ASPH: variants seen among roughly 807,000 people sequenced by gnomAD.
ASPH encodes the protein aspartate beta-hydroxylase, also known as aspartyl/asparaginyl beta-hydroxylase.
ASPH carries 100 observed loss-of-function variants against 118.4 expected under a neutral mutation model. That is an observed-to-expected ratio of 0.84 (90% CI 0.72 to 1.00). The LOEUF is 1.00. ASPH is among the 50% of genes least tolerant of loss of function. ASPH has a pLI of 0.00. For synonymous variants in ASPH, 315 were observed against 325.6 expected (o/e 0.97, Z 0.35); for missense variants, 920 against 919.5 (o/e 1.00, Z -0.01).
At chr8:61,505,154 G>C (rs541233936) in intron 24 of ASPH, among the ~76,000 whole-genome samples, 2 of 151,982 alleles carry the variant, frequency 1.3e-5, no homozygotes, top group East Asian at 3.9e-4. Context: ...TTCATCAGGG[G>C]TTCCCGCTTT....
intron 3 of ASPH, chr8:61,675,515 T>C: frequency 1.0e-6 from 1 of 981,810 alleles, no homozygotes; most frequent in Non-Finnish European, 1.2e-6. Context: ...AACACAGAAT[T>C]TTACATAGAA....
chr8:61,675,871 C>T (rs1563531460), intron 3 of ASPH: 3 of 1,374,170 alleles, frequency 2.2e-6, no homozygotes, highest in East Asian at 5.2e-5. Flanking sequence ...TGAGGAGTAC[C>T]ATTTTCTTCA....
rs924036154 is a variant in ASPH, at chr8:61,675,234, G to A, written c.322+5734C>T. The A allele has an allele frequency of 3.7e-6, 3 of 800,900 alleles. No individual in the cohort carries two copies. In the African/African-American group the frequency reaches 5.6e-5, roughly 15 times the overall value. 49.6% of individuals were successfully genotyped at this position (800,900 alleles called of 1,614,324 possible). A position where few individuals can be genotyped will look rare whatever the true frequency, so the allele number is the denominator to read the frequency against. On this transcript the variant is annotated intron_variant, in intron 3 of 24. Transcript: ENST00000379454. Reference sequence around the variant, plus strand: ...ATCAATATCCAATTAATAAGTTAATGAAGGAAAAAATGGAAAAAGACTTAT... The same window carrying A: ...ATCAATATCCAATTAATAAGTTAATAAAGGAAAAAATGGAAAAAGACTTAT...
intron 18 of ASPH, among the ~76,000 whole-genome samples, chr8:61,556,435 T>C (rs1355170442): frequency 6.6e-6 from 1 of 152,238 alleles, no homozygotes; most frequent in Non-Finnish European, 1.5e-5. Context: ...TCACTTCATA[T>C]ACAAGCTTTA....
chr8:61,540,403 C>T (rs1476032032), intron 21 of ASPH, among the ~76,000 whole-genome samples: 1 of 152,162 alleles, frequency 6.6e-6, no homozygotes, highest in Non-Finnish European at 1.5e-5. Flanking sequence ...TAACACCTCA[C>T]CTGCCCCAGC....
At chr8:61,578,727 A>T in intron 15 of ASPH, 1 of 1,607,534 alleles carries the variant, frequency 6.2e-7, no homozygotes. Context: ...CAACATGCAG[A>T]GGCTGGTGGA....
At chr8:61,555,521 T>C (rs1389103938) in intron 19 of ASPH, among the ~76,000 whole-genome samples, 1 of 152,126 alleles carries the variant, frequency 6.6e-6, no homozygotes, top group Non-Finnish European at 1.5e-5. Context: ...CTCGAACTCC[T>C]GACCTCAGGT....
intron 14 of ASPH, among the ~76,000 whole-genome samples, chr8:61,586,676 G>C (rs1839558362): frequency 6.6e-6 from 1 of 152,144 alleles, no homozygotes; most frequent in Non-Finnish European, 1.5e-5. Flanking sequence ...AAAAGGGTTA[G>C]TTACCTTGAC....
chr8:61,568,338 A>G (rs1178685846), intron 16 of ASPH, among the ~76,000 whole-genome samples: 1 of 152,154 alleles, frequency 6.6e-6, no homozygotes, highest in Non-Finnish European at 1.5e-5. Flanking sequence ...TGAAGGTCAG[A>G]GCCAACAGAT....
intron 1 of ASPH, among the ~76,000 whole-genome samples, chr8:61,700,059 GAC>G (rs1281943941): frequency 7.9e-5 from 12 of 152,222 alleles, no homozygotes; most frequent in African/African-American, 2.9e-4. Flanking sequence ...AGGGCTGACT[GAC>G]ACACAATGGG....
At chr8:61,548,905 C>G (rs1024200713) in intron 20 of ASPH, among the ~76,000 whole-genome samples, 1 of 152,136 alleles carries the variant, frequency 6.6e-6, no homozygotes, top group Non-Finnish European at 1.5e-5. Flanking sequence ...CCAAGACTAG[C>G]CTTTTCAGGG....
chr8:61,683,815 A>G, intron 2 of ASPH: 1 of 444,022 alleles, frequency 2.3e-6, no homozygotes. Context: ...CAGACATACA[A>G]TATAAAGCCT....
At chr8:61,541,402 T>A (rs1477135440) in intron 21 of ASPH, among the ~76,000 whole-genome samples, 1 of 152,144 alleles carries the variant, frequency 6.6e-6, no homozygotes, top group African/African-American at 2.4e-5. Flanking sequence ...TAGTTAAAAG[T>A]CACTCAAGGG....
intron 8 of ASPH, 145 bp from the exon 9 acceptor site, chr8:61,643,578 T>A: frequency 1.2e-6 from 1 of 810,776 alleles, no homozygotes; most frequent in Non-Finnish European, 1.9e-6. Context: ...TTAAGCTGAA[T>A]AACGTTCCAC....
At chr8:61,530,600 ATCT>A (rs1817209432) in intron 21 of ASPH, among the ~76,000 whole-genome samples, 1 of 152,138 alleles carries the variant, frequency 6.6e-6, no homozygotes, top group Non-Finnish European at 1.5e-5. Context: ...TATTTTTAAA[ATCT>A]TCTCTTAAAA....
intron 3 of ASPH, chr8:61,657,245 T>A (rs1355338713): frequency 6.6e-6 from 1 of 152,128 alleles, no homozygotes; most frequent in Non-Finnish European, 1.5e-5. Context: ...TACACGTGTG[T>A]TTCGGGTAGG....
chr8:61,569,322 G>A (rs1393726979), intron 16 of ASPH, among the ~76,000 whole-genome samples: 3 of 152,148 alleles, frequency 2.0e-5, no homozygotes, highest in Admixed American at 1.3e-4. Flanking sequence ...CCTATTATTC[G>A]AGGAAAAATG....
rs1474713752 is a variant in ASPH, at chr8:61,562,811, T to C, written c.1370A>G (p.Lys457Arg). ...VQLFPNDTSL[K>R]NDLGVGYLLI... ...GAGGTATCCCACGCCAAGGTCATTTTTTAAGGAAGTATCATTGGGAAATAG... is the reference window on the plus strand; with the variant it reads ...GAGGTATCCCACGCCAAGGTCATTTCTTAAGGAAGTATCATTGGGAAATAG... The change falls in exon 18 of 25, where the codon AAA (lysine) becomes AGA (arginine). Residue 457 changes from lysine to arginine, a missense_variant. By Grantham distance (26) the Lys-to-Arg change is conservative. Transcript: ENST00000379454. The C allele has an allele frequency of 1.2e-6, 2 of 1,613,010 alleles. No individual in the cohort carries two copies. The highest frequency in any genetic ancestry group is 2.7e-5 in the African/African-American group (2 of 75,008).
intron 21 of ASPH, among the ~76,000 whole-genome samples, chr8:61,535,516 A>G (rs551579518): frequency 2.3e-4 from 35 of 152,336 alleles, no homozygotes; most frequent in African/African-American, 7.9e-4. Context: ...AGAGTTTTAT[A>G]CATTCCTTGA....
Sources: gnomAD v4.1 joint callset for allele counts (sites outside exome capture counted in the v4.1 genomes callset) on GRCh38, gnomAD v4.1.1 for gene constraint, MANE v1.5 for transcripts, NCBI Gene and HGNC (gene_info 2026-07-23, HGNC 2026-07-21) for gene names.